ASIC2: variants seen among roughly 807,000 people sequenced by gnomAD.
ASIC2 encodes the protein acid sensing ion channel subunit 2.
ASIC2 carries 25 observed loss-of-function variants against 57.3 expected under a neutral mutation model. The ratio of observed to expected loss-of-function variants is 0.44; its 90% CI spans 0.32 to 0.61. The LOEUF is 0.61. ASIC2 is among the 20% of genes least tolerant of loss of function. The pLI, the probability that ASIC2 is intolerant of heterozygous loss-of-function variation, is 0.06. For missense variants in ASIC2, 641 were observed against 738.1 expected (o/e 0.87, Z 1.52); for synonymous variants, 319 against 307.5 (o/e 1.04, Z -0.39).
intron 1 of ASIC2, among the ~76,000 whole-genome samples, chr17:33,857,407 C>T (rs1042406427): frequency 2.0e-5 from 3 of 152,158 alleles, no homozygotes; most frequent in African/African-American, 4.8e-5. Context: ...GAGAGGAGAA[C>T]ATTCTGCCCT....
At chr17:33,055,533 C>T (rs531800022) in intron 3 of ASIC2, among the ~76,000 whole-genome samples, 4 of 152,132 alleles carry the variant, frequency 2.6e-5, no homozygotes, top group African/African-American at 9.7e-5. Flanking sequence ...CTCGTCCTTC[C>T]GCTTGTCCTG....
At chr17:33,860,987 T>G (rs192388982) in intron 1 of ASIC2, among the ~76,000 whole-genome samples, 9 of 152,324 alleles carry the variant, frequency 5.9e-5, no homozygotes, top group African/African-American at 1.9e-4. Flanking sequence ...GAGTAAAAAT[T>G]TGCACTGTCC....
At chr17:33,897,245 T>A (rs1915120012) in intron 1 of ASIC2, among the ~76,000 whole-genome samples, 1 of 152,222 alleles carries the variant, frequency 6.6e-6, no homozygotes, top group African/African-American at 2.4e-5. Context: ...ACTTCCTTCT[T>A]CCAACTTCAA....
At chr17:33,016,149 G>T in intron 8 of ASIC2, 110 bp from the exon 9 acceptor site, 1 of 1,003,016 alleles carries the variant, frequency 1.0e-6, no homozygotes, top group Non-Finnish European at 1.5e-6. Context: ...GGCTGTGGCT[G>T]AACATACCGT....
intron 1 of ASIC2, among the ~76,000 whole-genome samples, chr17:33,677,325 A>C (rs1907857461): frequency 6.6e-6 from 1 of 152,208 alleles, no homozygotes; most frequent in South Asian, 2.1e-4. Context: ...CTTAAGTTGA[A>C]GCCAATGCTC....
chr17:33,977,535 A>G (rs571816993), intron 1 of ASIC2, among the ~76,000 whole-genome samples: 354 of 152,340 alleles, frequency 2.3e-3, no homozygotes, highest in Non-Finnish European at 2.6e-3. Flanking sequence ...ACAAATATTT[A>G]TTGAGCACCT....
At chr17:33,243,543 G>T (rs916004900) in intron 1 of ASIC2, among the ~76,000 whole-genome samples, 16 of 150,906 alleles carry the variant, frequency 1.1e-4, no homozygotes, top group Non-Finnish European at 7.4e-5. Flanking sequence ...GTTCTGGCTG[G>T]TAGACAGAAG....
chr17:34,114,148 C>T (rs1911360945), intron 1 of ASIC2, among the ~76,000 whole-genome samples: 1 of 152,178 alleles, frequency 6.6e-6, no homozygotes, highest in Admixed American at 6.6e-5. Context: ...AGCAGATGCT[C>T]TTAGATCAAG....
chr17:33,900,629 G>A (rs1289672947), intron 1 of ASIC2, among the ~76,000 whole-genome samples: 1 of 151,888 alleles, frequency 6.6e-6, no homozygotes, highest in Non-Finnish European at 1.5e-5. Context: ...ACAACTCAAT[G>A]CTTAGTCTAT....
At chr17:33,691,643 T>C (rs77044036) in intron 1 of ASIC2, among the ~76,000 whole-genome samples, 5 of 151,768 alleles carry the variant, frequency 3.3e-5, no homozygotes, top group Admixed American at 1.3e-4. Context: ...AAATTGAAGA[T>C]TTTTTTTTCT....
chr17:33,538,279 G>A (rs576202927), intron 1 of ASIC2, among the ~76,000 whole-genome samples: 2 of 152,136 alleles, frequency 1.3e-5, no homozygotes, highest in South Asian at 2.1e-4. Context: ...AGGTCTCATC[G>A]CATACCCCTG....
At chr17:33,914,302 T>C (rs1435067359) in intron 1 of ASIC2, among the ~76,000 whole-genome samples, 1 of 152,212 alleles carries the variant, frequency 6.6e-6, no homozygotes, top group East Asian at 1.9e-4. Context: ...GGGTGGTGAC[T>C]CTGCAGTTCT....
chr17:33,042,814 AG>A (rs1195274871), intron 3 of ASIC2, among the ~76,000 whole-genome samples: 1 of 152,240 alleles, frequency 6.6e-6, no homozygotes, highest in African/African-American at 2.4e-5. Context: ...AGGCCATTGC[AG>A]AGATTTTTGA....
chr17:33,052,295 T>C (rs1303807131), intron 3 of ASIC2: 1 of 152,182 alleles, frequency 6.6e-6, no homozygotes, highest in Non-Finnish European at 1.5e-5. Flanking sequence ...AATTACAAAA[T>C]TGTTAATTCT....
chr17:33,424,015 A>C (rs17836805), intron 1 of ASIC2, among the ~76,000 whole-genome samples: 7,621 of 152,274 alleles, frequency 0.05, 226 homozygotes, highest in East Asian at 0.12. Context: ...AATTCTATTC[A>C]GTTTGATGCT....
intron 1 of ASIC2, among the ~76,000 whole-genome samples, chr17:33,825,839 A>T (rs1912889968): frequency 6.6e-6 from 1 of 152,206 alleles, no homozygotes; most frequent in African/African-American, 2.4e-5. Flanking sequence ...AATCTTGAAG[A>T]TGTAGTATAG....
chr17:34,006,090 T>A (rs1341640956), intron 1 of ASIC2: 1 of 152,248 alleles, frequency 6.6e-6, no homozygotes, highest in African/African-American at 2.4e-5. Context: ...ATAAGAAATT[T>A]AAATTGTGAA....
chr17:33,334,840 C>A lies in ASIC2; in HGVS notation c.556-222773G>T, dbSNP rs1484589129. On this transcript the variant is annotated intron_variant, in intron 1 of 9. Coordinates refer to the ASIC2 transcript ENST00000359872. Reference sequence around the variant, plus strand: ...GCAGGCAAGCGCAAGACTAATGATGCTTTCAGCAGAAGATGGAGGAATAAC... The same window carrying A: ...GCAGGCAAGCGCAAGACTAATGATGATTTCAGCAGAAGATGGAGGAATAAC... Among the ~76,000 whole-genome samples the A allele has an allele frequency of 7.4e-4, 112 of 152,172 alleles. 1 individual carries two copies.
intron 3 of ASIC2, among the ~76,000 whole-genome samples, chr17:33,059,061 A>AAAAAACC (rs1424050139): frequency 6.6e-6 from 1 of 151,960 alleles, no homozygotes; most frequent in African/African-American, 2.4e-5. Context: ...TATGGCTCTA[A>AAAAAACC]AAAAACCAAA....
Sources: allele counts gnomAD v4.1 joint callset (sites outside exome capture counted in the v4.1 genomes callset), GRCh38; gene constraint gnomAD v4.1.1; transcripts MANE v1.5; gene names NCBI Gene and HGNC (gene_info 2026-07-23, HGNC 2026-07-21).